PHACTR3: variants seen among roughly 807,000 people sequenced by gnomAD.
The protein encoded by PHACTR3 is protein phosphatase 1, regulatory subunit 123.
PHACTR3 carries 16 observed loss-of-function variants against 66.8 expected under a neutral mutation model. The observed-to-expected ratio is 0.24, with a 90% CI of 0.16 to 0.36. PHACTR3 has a LOEUF of 0.36. Ranked by LOEUF, PHACTR3 falls within the 10% of genes least tolerant of loss-of-function variation. The pLI is 1.00. For synonymous variants in PHACTR3, 323 were observed against 292.1 expected (o/e 1.11, Z -1.08); for missense variants, 647 against 719.9 (o/e 0.90, Z 1.16).
chr20:59,686,812 ATGATGG>A (rs1395150831), intron 1 of PHACTR3, among the ~76,000 whole-genome samples: 6 of 144,392 alleles, frequency 4.2e-5, no homozygotes, highest in South Asian at 4.6e-4. Flanking sequence ...GATTGTGATG[ATGATGG>A]TGATGGTGGT....
chr20:59,801,754 T>G (rs2146984992), intron 7 of PHACTR3, among the ~76,000 whole-genome samples: 1 of 152,314 alleles, frequency 6.6e-6, no homozygotes, highest in African/African-American at 2.4e-5. Flanking sequence ...AGTGAAAATG[T>G]TTTAAGCTCA....
chr20:59,773,572 T>G, intron 6 of PHACTR3, 119 bp downstream of exon 6: 1 of 1,082,520 alleles, frequency 9.2e-7, no homozygotes, highest in South Asian at 1.7e-5. Flanking sequence ...CTACAGTCAC[T>G]TTCTGAACAA....
chr20:59,683,135 A>G (rs529716596), intron 1 of PHACTR3, among the ~76,000 whole-genome samples: 2 of 152,274 alleles, frequency 1.3e-5, no homozygotes, highest in East Asian at 1.9e-4. Flanking sequence ...AAACAGGGAC[A>G]GTGGAGTTTC....
At chr20:59,619,417 A>G (rs997202426) in intron 1 of PHACTR3, among the ~76,000 whole-genome samples, 3 of 152,114 alleles carry the variant, frequency 2.0e-5, no homozygotes, top group African/African-American at 7.2e-5. Context: ...GATGGTCAAC[A>G]GAGAGATAGG....
chr20:59,742,989 T>G, intron 1 of PHACTR3, 118 bp from the exon 2 acceptor site: 1 of 1,176,028 alleles, frequency 8.5e-7, no homozygotes, highest in South Asian at 1.5e-5. Flanking sequence ...CATCCTGGGG[T>G]CCAGGCTTTG....
intron 1 of PHACTR3, among the ~76,000 whole-genome samples, chr20:59,619,119 C>A (rs892886897): frequency 3.3e-5 from 5 of 152,178 alleles, no homozygotes; most frequent in Admixed American, 3.3e-4. Context: ...TGAAGACCCT[C>A]CATGACCCAT....
chr20:59,640,272 A>G (rs1357066540), intron 1 of PHACTR3, among the ~76,000 whole-genome samples: 1 of 152,208 alleles, frequency 6.6e-6, no homozygotes. Flanking sequence ...TGCTTTGGCT[A>G]TAATTACTAT....
chr20:59,641,018 AAGATAT>A (rs749333784), intron 1 of PHACTR3, among the ~76,000 whole-genome samples: 8 of 152,116 alleles, frequency 5.3e-5, no homozygotes, highest in South Asian at 2.1e-4. Flanking sequence ...ATATGGGGAG[AAGATAT>A]AGATAGAGAT....
At chr20:59,632,052 C>T (rs557179780) in intron 1 of PHACTR3, among the ~76,000 whole-genome samples, 63 of 152,292 alleles carry the variant, frequency 4.1e-4, no homozygotes, top group African/African-American at 1.4e-3. Context: ...TTGTGGTGTA[C>T]GGGACGTGTG....
At chr20:59,618,891 G>C (rs2034131589) in intron 1 of PHACTR3, among the ~76,000 whole-genome samples, 1 of 152,246 alleles carries the variant, frequency 6.6e-6, no homozygotes. Context: ...GTCTGGGGCA[G>C]TGCAGGATAC....
At chr20:59,673,937 G>A (rs2146515294) in intron 1 of PHACTR3, among the ~76,000 whole-genome samples, 1 of 152,322 alleles carries the variant, frequency 6.6e-6, no homozygotes, top group East Asian at 1.9e-4. Flanking sequence ...AGCTGGTAGG[G>A]TTTCAGTGCA....
chr20:59,840,556 A>G, intron 10 of PHACTR3, 126 bp downstream of exon 10: 2 of 1,382,340 alleles, frequency 1.4e-6, no homozygotes, highest in South Asian at 1.5e-5. Flanking sequence ...CCTGGACATC[A>G]TGGCATCAGT....
chr20:59,844,940 ATATGTACAAATAT>A (rs1237543668), intron 11 of PHACTR3: 1 of 336,620 alleles, frequency 3.0e-6, no homozygotes, highest in Non-Finnish European at 5.6e-6. Flanking sequence ...TACCCTGTAT[ATATGTACAAATAT>A]TATGTATCAA....
intron 1 of PHACTR3, among the ~76,000 whole-genome samples, chr20:59,647,128 A>T (rs2035307339): frequency 6.6e-6 from 1 of 152,062 alleles, no homozygotes; most frequent in Non-Finnish European, 1.5e-5. Flanking sequence ...AGTTTAATGG[A>T]CTCCACAGTT....
chr20:59,634,073 C>T (rs923187904), intron 1 of PHACTR3, among the ~76,000 whole-genome samples: 5 of 152,188 alleles, frequency 3.3e-5, no homozygotes, highest in African/African-American at 7.2e-5. Flanking sequence ...CACTGTTCAG[C>T]GCCCAGCTTT....
At chr20:59,831,147 G>A (rs552961513) in intron 8 of PHACTR3, among the ~76,000 whole-genome samples, 9 of 152,294 alleles carry the variant, frequency 5.9e-5, no homozygotes, top group Non-Finnish European at 7.4e-5. Context: ...AGTGCCTGTG[G>A]GGTCACCTGT....
chr20:59,670,607 G>T lies in PHACTR3; in HGVS notation c.118+65475G>T, dbSNP rs527877583. ...TGAGGACAGGCATCTGCCGGGGGTG[G>T]GGGGGGGGGGCAGGCACTTTTACTG... is the stretch of plus-strand genomic sequence containing the variant. On this transcript the variant is annotated intron_variant, in intron 1 of 12. Coordinates refer to ENST00000371015, the MANE Select transcript of PHACTR3 (RefSeq NM_080672.5). 1.5e-4 allele frequency among the ~76,000 whole-genome samples: 18 copies of T among 118,092 alleles called. 3 individuals are homozygous for T. The highest frequency in any genetic ancestry group is 6.2e-4 in the African/African-American group (17 of 27,222). 77.5% of individuals were successfully genotyped at this position (118,092 alleles called of 152,430 possible). A position where few individuals can be genotyped will look rare whatever the true frequency, so the allele number is the denominator to read the frequency against.
intron 4 of PHACTR3, among the ~76,000 whole-genome samples, chr20:59,765,430 C>T (rs75172389): frequency 0.023 from 3,440 of 152,196 alleles, 59 homozygotes; most frequent in Non-Finnish European, 0.036. Flanking sequence ...CTGAGTCTGC[C>T]GTCTGCAGCT....
At chr20:59,750,614 C>T (rs375077439) in intron 3 of PHACTR3, among the ~76,000 whole-genome samples, 44 of 152,280 alleles carry the variant, frequency 2.9e-4, no homozygotes, top group African/African-American at 1.0e-3. Context: ...CCTGCCCACA[C>T]ACCGGCTGGG....
Sources: allele counts gnomAD v4.1 joint callset (sites outside exome capture counted in the v4.1 genomes callset), GRCh38; gene constraint gnomAD v4.1.1; transcripts MANE v1.5; gene names NCBI Gene and HGNC (gene_info 2026-07-23, HGNC 2026-07-21).